The following GBX1 variants were observed in gnomAD, a reference collection of about 807,000 sequenced individuals.
The protein encoded by GBX1 is homeobox protein GBX-1.
GBX1 carries 9 observed loss-of-function variants against 22.9 expected under a neutral mutation model. The ratio of observed to expected loss-of-function variants is 0.39; its 90% CI spans 0.24 to 0.69. The LOEUF (loss-of-function observed/expected upper bound fraction) is 0.69, where lower values mean the gene tolerates loss of function less well. GBX1 is among the 30% of genes least tolerant of loss of function. The probability of loss-of-function intolerance (pLI) is 0.43; values close to 1 mark genes in which losing one functional copy is unlikely to be tolerated. For missense variants in GBX1, 494 were observed against 509.2 expected (o/e 0.97, Z 0.29); for synonymous variants, 203 against 227.3 (o/e 0.89, Z 0.96).
chr7:151,159,653 A>T (rs1459558199), intron 1 of GBX1, among the ~76,000 whole-genome samples: 1 of 152,208 alleles, frequency 6.6e-6, no homozygotes, highest in African/African-American at 2.4e-5. Context: ...CTGAGATTAC[A>T]GGTATGAGCC....
intron 1 of GBX1, among the ~76,000 whole-genome samples, chr7:151,160,873 C>T (rs561860009): frequency 7.9e-4 from 120 of 152,276 alleles, no homozygotes; most frequent in Non-Finnish European, 1.4e-3. Flanking sequence ...ATGAGCACTA[C>T]CTTGCATAGA....
At chr7:151,153,727 A>AT (rs754921129) in intron 1 of GBX1, among the ~76,000 whole-genome samples, 3 of 150,848 alleles carry the variant, frequency 2.0e-5, no homozygotes, top group East Asian at 2.0e-4. Context: ...TTTTATTTTT[A>AT]TTTTTTTTAC....
At position 151,148,122 on chromosome 7, in the gene GBX1, CAG is replaced by C. The variant is rs1189252482; in HGVS notation, c.*465_*466del. ...AGGAAACAACTTTCCCAATCCCTCT[CAG>C]GGGTGCAGACAGACGTACAGAGACA... On this transcript the variant is annotated 3_prime_UTR_variant, in exon 2 of 2. Coordinates refer to ENST00000297537, the MANE Select transcript of GBX1 (RefSeq NM_001098834.3). This position sits in a 1 kb window ranked among gnomAD's most constrained non-coding sequence, Gnocchi z 5.1. Among the ~76,000 whole-genome samples, 8 of 152,178 alleles carry C rather than the reference CAG, an allele frequency of 5.3e-5. No homozygotes were observed. The highest frequency in any genetic ancestry group is 4.6e-4 in the Admixed American group (7 of 15,284).
chr7:151,149,294 G>A, intron 1 of GBX1, 152 bp from the exon 2 acceptor site: 1 of 704,522 alleles, frequency 1.4e-6, no homozygotes, highest in Non-Finnish European at 2.4e-6. Flanking sequence ...GGGAGGGACA[G>A]GAGGCAGAAG....
intron 1 of GBX1, among the ~76,000 whole-genome samples, chr7:151,158,192 T>C (rs1273024180): frequency 6.6e-6 from 1 of 152,198 alleles, no homozygotes; most frequent in African/African-American, 2.4e-5. Flanking sequence ...AATGGTCACA[T>C]GACTCCAGGG....
intron 1 of GBX1, among the ~76,000 whole-genome samples, chr7:151,156,728 T>G (rs1801139566): frequency 6.6e-6 from 1 of 152,128 alleles, no homozygotes. Context: ...CTCATGCCTG[T>G]AATCCTAGCA....
chr7:151,155,118 A>G (rs967895088), intron 1 of GBX1, among the ~76,000 whole-genome samples: 3 of 152,182 alleles, frequency 2.0e-5, no homozygotes, highest in Non-Finnish European at 2.9e-5. Flanking sequence ...GTTCTGACTT[A>G]TCTTCTCTCT....
chr7:151,156,123 C>T (rs1801130099), intron 1 of GBX1, among the ~76,000 whole-genome samples: 1 of 152,122 alleles, frequency 6.6e-6, no homozygotes, highest in Non-Finnish European at 1.5e-5. Flanking sequence ...GTGGCTCACA[C>T]CTGTAATCCT....
At chr7:151,163,759 T>C (rs564161621) in intron 1 of GBX1, among the ~76,000 whole-genome samples, 2 of 152,354 alleles carry the variant, frequency 1.3e-5, no homozygotes, top group Admixed American at 1.3e-4. Flanking sequence ...GGCTCTTCTA[T>C]TGAGTCATAC....
At chr7:151,166,485 C>G (rs542260816) in intron 1 of GBX1, among the ~76,000 whole-genome samples, 4 of 114,364 alleles carry the variant, frequency 3.5e-5, no homozygotes, top group Non-Finnish European at 5.5e-5. Flanking sequence ...CCCCCCCCCC[C>G]CAACACACAC....
chr7:151,153,935 T>C (rs1006713114), intron 1 of GBX1, among the ~76,000 whole-genome samples: 1 of 152,138 alleles, frequency 6.6e-6, no homozygotes, highest in South Asian at 2.1e-4. Context: ...GTAGATACAA[T>C]GTTCATAAAA....
At chr7:151,151,108 G>A (rs578086031) in intron 1 of GBX1, among the ~76,000 whole-genome samples, 75 of 152,224 alleles carry the variant, frequency 4.9e-4, no homozygotes, top group African/African-American at 1.7e-3. Flanking sequence ...TTCATACCTC[G>A]AAGGTGTTTT....
chr7:151,156,375 G>C (rs1295816811), intron 1 of GBX1, among the ~76,000 whole-genome samples: 2 of 98,258 alleles, frequency 2.0e-5, no homozygotes, highest in East Asian at 6.9e-4. Context: ...GACAGAGTGA[G>C]ACCCTGTCTC....
intron 1 of GBX1, among the ~76,000 whole-genome samples, chr7:151,157,393 G>C (rs1361099717): frequency 6.6e-6 from 1 of 152,064 alleles, no homozygotes; most frequent in African/African-American, 2.4e-5. Context: ...TCTCGTATAG[G>C]TATCAGAGCA....
chr7:151,166,974 C>T (rs759125273), intron 1 of GBX1, 37 bp downstream of exon 1: 2 of 1,591,310 alleles, frequency 1.3e-6, no homozygotes, highest in Admixed American at 1.7e-5. Context: ...CCAGGTGAAC[C>T]GGCCTCCCGC....
At chr7:151,154,110 C>T (rs1451318028) in intron 1 of GBX1, among the ~76,000 whole-genome samples, 4 of 152,002 alleles carry the variant, frequency 2.6e-5, no homozygotes, top group African/African-American at 4.8e-5. Flanking sequence ...TGTTGGCGTG[C>T]GCCTGTGATT....
chr7:151,166,812 A>T (rs1801257404), intron 1 of GBX1, among the ~76,000 whole-genome samples, 199 bp downstream of exon 1: 1 of 152,168 alleles, frequency 6.6e-6, no homozygotes, highest in African/African-American at 2.4e-5. Flanking sequence ...GGCTATGGGG[A>T]CAGAGCAGGG....
chr7:151,156,385 CAAAAAAAAAAAAAAA>C lies in GBX1; in HGVS notation c.539-7258_539-7244del, dbSNP rs56947735. Among the ~76,000 whole-genome samples the C allele has an allele frequency of 4.4e-4, 7 of 15,932 alleles. No homozygotes were observed. In the South Asian group the frequency reaches 0.02, roughly 45 times the overall value. 10.5% of individuals were successfully genotyped at this position (15,932 alleles called of 152,430 possible). A position where few individuals can be genotyped will look rare whatever the true frequency, so the allele number is the denominator to read the frequency against. On this transcript the variant is annotated intron_variant, in intron 1 of 1. Transcript: ENST00000297537. ...TGGGCGACAGAGTGAGACCCTGTCT[CAAAAAAAAAAAAAAA>C]AAAAAAAAAAAAAAAACGAAAAAAA... is the stretch of plus-strand genomic sequence containing the variant.
Position 151,162,513 on chromosome 7 carries a change from C to G in GBX1, c.538+4498G>C, listed in dbSNP as rs1801196814. 2.0e-5 allele frequency among the ~76,000 whole-genome samples: 3 copies of G among 152,132 alleles called. No homozygotes were observed. The South Asian group carries it at 6.2e-4, about 32-fold the overall frequency. Reference sequence around the variant, plus strand: ...TCAGAAATTAGCAAATCTTTTTAAGCTTAGTTTAAAAAAACAATGTTTACT... The same window carrying G: ...TCAGAAATTAGCAAATCTTTTTAAGGTTAGTTTAAAAAAACAATGTTTACT... On this transcript the variant is annotated intron_variant, in intron 1 of 1. Coordinates refer to ENST00000297537, the MANE Select transcript of GBX1 (RefSeq NM_001098834.3).
Sources: gnomAD v4.1 joint callset for allele counts (sites outside exome capture counted in the v4.1 genomes callset) on GRCh38, gnomAD v4.1.1 for gene constraint, Gnocchi (gnomAD v3.1) non-coding constraint, MANE v1.5 for transcripts, NCBI Gene and HGNC (gene_info 2026-07-23, HGNC 2026-07-21) for gene names.